BCL2L13: variants seen among roughly 807,000 people sequenced by gnomAD.
BCL2L13 encodes bcl-2-like protein 13.
In BCL2L13, 13 loss-of-function variants were observed where a neutral mutation model predicts 25.8. The ratio of observed to expected loss-of-function variants is 0.50; its 90% CI spans 0.33 to 0.80. The LOEUF (loss-of-function observed/expected upper bound fraction) is 0.80. Among genes scored for constraint, BCL2L13 ranks in the 30% least tolerant of loss-of-function variants. The probability of loss-of-function intolerance (pLI) is 0.02; values close to 1 mark genes in which losing one functional copy is unlikely to be tolerated. For synonymous variants in BCL2L13, 244 were observed against 230.3 expected, an observed-to-expected ratio of 1.06 and a Z score of -0.54; for missense variants, 504 against 574.9, an observed-to-expected ratio of 0.88 and a Z score of 1.26.
At chr22:17,726,510 C>T (rs1460059211) in intron 6 of BCL2L13, among the ~76,000 whole-genome samples, 167 bp from the exon 7 acceptor site, 1 of 152,158 alleles carries the variant, frequency 6.6e-6, no homozygotes, top group Non-Finnish European at 1.5e-5. Context: ...AAAATTCTTT[C>T]TCTGCATTGG....
At chr22:17,672,800 G>A (rs1378764562) in intron 2 of BCL2L13, among the ~76,000 whole-genome samples, 1 of 152,162 alleles carries the variant, frequency 6.6e-6, no homozygotes, top group Non-Finnish European at 1.5e-5. Flanking sequence ...ATCTGGTGGG[G>A]TGAGGCATAT....
In BCL2L13 at chr22:17,677,196, T is replaced by G. The variant is rs570886037; in HGVS notation, c.122-6018T>G. Among the ~76,000 whole-genome samples the G allele has an allele frequency of 6.6e-5, 10 of 152,282 alleles. No homozygotes were observed. In the East Asian group the frequency reaches 1.9e-3, roughly 29 times the overall value. On this transcript the variant is annotated intron_variant, in intron 2 of 6. Coordinates refer to ENST00000317582, the MANE Select transcript of BCL2L13 (RefSeq NM_015367.4). Reference sequence around the variant, plus strand: ...AAAAAATAAAAGGATTTGAATTTTATTTTGGTTAGTCTCATCTCATAAGGA... The same window carrying G: ...AAAAAATAAAAGGATTTGAATTTTAGTTTGGTTAGTCTCATCTCATAAGGA...
intron 6 of BCL2L13, among the ~76,000 whole-genome samples, chr22:17,713,306 A>G (rs1250689151): frequency 6.6e-6 from 1 of 152,202 alleles, no homozygotes; most frequent in Non-Finnish European, 1.5e-5. Context: ...CACCCTAAAC[A>G]TAAAAGAGCC....
chr22:17,634,053 C>T (rs2058068613), upstream of BCL2L13, among the ~76,000 whole-genome samples: 1 of 152,036 alleles, frequency 6.6e-6, no homozygotes, highest in African/African-American at 2.4e-5. Flanking sequence ...CCTCCACTTA[C>T]CACTTAACTT....
chr22:17,663,136 G>T (rs2059125900), intron 2 of BCL2L13, among the ~76,000 whole-genome samples: 2 of 152,168 alleles, frequency 1.3e-5, no homozygotes, highest in South Asian at 4.1e-4. Context: ...CTTTCAAAGT[G>T]CTGGGATTAC....
rs2058834443 is a variant in BCL2L13, at chr22:17,655,761, ATGT to A, written c.55_57del (p.Val19del). 1 of 1,613,790 alleles carries A rather than the reference ATGT, an allele frequency of 6.2e-7. No homozygotes were observed. Among genetic ancestry groups the A allele is most frequent in the Admixed American group, 1.7e-5 (1 of 59,992 alleles). On this transcript the variant is annotated inframe_deletion, in exon 2 of 7. Transcript: ENST00000317582. ...CTGGGATTTCACTATGAAACAAAGT[ATGT>A]TGTTCTCAGCTACTTGGGACTCCTC...
rs1004733124 is a variant in BCL2L13, at chr22:17,638,821, G to T, written c.-116G>T. ...GTCGGAGCACTCACCGCCGCTGGGG[G>T]ACCCTGTCGGAAGCAACTGCCGCCG... On this transcript the variant is annotated 5_prime_UTR_variant, in exon 1 of 7. Coordinates refer to ENST00000317582, the MANE Select transcript of BCL2L13 (RefSeq NM_015367.4). 464 of 1,232,010 alleles carry T rather than the reference G, an allele frequency of 3.8e-4. No individual in the cohort carries two copies. The highest frequency in any genetic ancestry group is 4.4e-4 in the Non-Finnish European group (431 of 988,248). 76.3% of individuals were successfully genotyped at this position (1,232,010 alleles called of 1,614,324 possible).
At chr22:17,712,024 GTT>G (rs759236287) in intron 6 of BCL2L13, among the ~76,000 whole-genome samples, 2 of 143,996 alleles carry the variant, frequency 1.4e-5, no homozygotes, top group African/African-American at 2.5e-5. Context: ...TTTTTTGAAG[GTT>G]TTTTTTTTTT....
intron 3 of BCL2L13, among the ~76,000 whole-genome samples, chr22:17,685,027 G>A (rs1425809792): frequency 5.9e-5 from 9 of 151,598 alleles, no homozygotes; most frequent in Admixed American, 1.3e-4. Context: ...GAGCCACCAC[G>A]CCCGGCCTGT....
chr22:17,640,504 A>G (rs1046335876), intron 1 of BCL2L13, among the ~76,000 whole-genome samples: 1 of 152,166 alleles, frequency 6.6e-6, no homozygotes, highest in Non-Finnish European at 1.5e-5. Flanking sequence ...ATCAACATGT[A>G]TTAAATATCA....
upstream of BCL2L13, among the ~76,000 whole-genome samples, chr22:17,635,127 C>A (rs1158015826): frequency 6.6e-6 from 1 of 151,994 alleles, no homozygotes; most frequent in African/African-American, 2.4e-5. Context: ...GTGGCTCATG[C>A]CTATAATCCC....
rs936589175 is a variant in BCL2L13 at position 17,728,800 on chromosome 22, G to T, written c.*1266G>T. Reference sequence around the variant, plus strand: ...TTCAAGAGTGGTGGCATCTTCACCTGAATTCTTCAATGCCAGGGTAATAAA... The same window carrying T: ...TTCAAGAGTGGTGGCATCTTCACCTTAATTCTTCAATGCCAGGGTAATAAA... On this transcript the variant is annotated 3_prime_UTR_variant, in exon 7 of 7. Transcript: ENST00000317582. The T allele has an allele frequency of 3.9e-5, 6 of 152,240 alleles. No individual in the cohort carries two copies. Among genetic ancestry groups the T allele is most frequent in the Admixed American group, 3.3e-4 (5 of 15,292 alleles). 9.4% of individuals were successfully genotyped at this position (152,240 alleles called of 1,614,324 possible). A position where few individuals can be genotyped will look rare whatever the true frequency, so the allele number is the denominator to read the frequency against.
chr22:17,721,152 A>G (rs1456566316), intron 6 of BCL2L13, among the ~76,000 whole-genome samples: 1 of 146,480 alleles, frequency 6.8e-6, no homozygotes, highest in Admixed American at 7.0e-5. Flanking sequence ...CCTGGGGGAC[A>G]GGGCGAGACT....
At chr22:17,656,944 A>G (rs1162371416) in intron 2 of BCL2L13, among the ~76,000 whole-genome samples, 2 of 151,982 alleles carry the variant, frequency 1.3e-5, no homozygotes, top group Admixed American at 6.6e-5. Context: ...TCAGCCTCTC[A>G]AGGAGCTGGG....
At chr22:17,689,211 T>C (rs2060033184) in intron 4 of BCL2L13, 69 bp downstream of exon 4, 1 of 1,412,582 alleles carries the variant, frequency 7.1e-7, no homozygotes, top group African/African-American at 1.4e-5. Flanking sequence ...AGCACTGGAT[T>C]GGTTAGGGCT....
intron 4 of BCL2L13, among the ~76,000 whole-genome samples, chr22:17,694,506 TA>T (rs79874295): frequency 0.073 from 11,083 of 150,882 alleles, 838 homozygotes; most frequent in African/African-American, 0.19. Context: ...TGACTCCATT[TA>T]AAAAAAAAAA....
At chr22:17,634,464 C>T (rs926449267), upstream of BCL2L13, among the ~76,000 whole-genome samples, 1 of 152,180 alleles carries the variant, frequency 6.6e-6, no homozygotes, top group African/African-American at 2.4e-5. Flanking sequence ...GGACTACAGG[C>T]GTGAGCCATC....
chr22:17,639,339 T>C (rs771444116), intron 1 of BCL2L13, among the ~76,000 whole-genome samples: 1 of 152,270 alleles, frequency 6.6e-6, no homozygotes, highest in Non-Finnish European at 1.5e-5. Context: ...TCAGAGATTG[T>C]TAGAAGTCTT....
intron 2 of BCL2L13, among the ~76,000 whole-genome samples, chr22:17,682,724 A>T (rs1205009352): frequency 1.3e-5 from 2 of 152,188 alleles, no homozygotes; most frequent in East Asian, 1.9e-4. Flanking sequence ...CATAGGCCCA[A>T]ATATTTCTAC....
Sources: allele counts gnomAD v4.1 joint callset (sites outside exome capture counted in the v4.1 genomes callset), GRCh38; gene constraint gnomAD v4.1.1; transcripts MANE v1.5; gene names NCBI Gene and HGNC (gene_info 2026-07-23, HGNC 2026-07-21).